FAM178B: variants seen among roughly 807,000 people sequenced by gnomAD.
FAM178B encodes the protein family with sequence similarity 178 member B.
In FAM178B, 82 loss-of-function variants were observed where a neutral mutation model predicts 91.7. The ratio of observed to expected loss-of-function variants is 0.89; its 90% CI spans 0.75 to 1.07. The LOEUF is 1.07. Ranked by LOEUF, FAM178B falls within the 50% of genes least tolerant of loss-of-function variation. FAM178B has a pLI of 0.00. For missense variants in FAM178B, 769 were observed against 846.7 expected (o/e 0.91, Z 1.14); for synonymous variants, 368 against 359.4 (o/e 1.02, Z -0.27).
At chr2:96,970,830 G>A in intron 3 of FAM178B, 53 bp from the exon 4 acceptor site, 4 of 1,281,384 alleles carry the variant, frequency 3.1e-6, no homozygotes, top group Admixed American at 2.2e-5. Flanking sequence ...AAAGATAGAG[G>A]AGAAAAAAGA....
intron 9 of FAM178B, among the ~76,000 whole-genome samples, chr2:96,923,857 G>A (rs74816945): frequency 2.0e-5 from 3 of 152,300 alleles, no homozygotes; most frequent in East Asian, 1.9e-4. Flanking sequence ...CCTGCCTCCC[G>A]GCTCACTCAC....
intron 8 of FAM178B, among the ~76,000 whole-genome samples, chr2:96,940,413 C>A (rs144356444): frequency 3.1e-4 from 47 of 152,308 alleles, no homozygotes; most frequent in African/African-American, 1.1e-3. Context: ...CTGCAAACCA[C>A]AAGAGAGGCA....
intron 5 of FAM178B, among the ~76,000 whole-genome samples, chr2:96,964,393 A>C (rs1272689788): frequency 6.6e-6 from 1 of 152,032 alleles, no homozygotes; most frequent in Non-Finnish European, 1.5e-5. Context: ...GTGCAACTGA[A>C]CTTCGCCCAT....
chr2:96,958,551 G>A (rs1160905282), intron 6 of FAM178B, among the ~76,000 whole-genome samples: 1 of 151,618 alleles, frequency 6.6e-6, no homozygotes, highest in Non-Finnish European at 1.5e-5. Flanking sequence ...TTAACCTAGA[G>A]CGGTGGCACA....
At chr2:96,883,603 C>A (rs1196418204) in intron 14 of FAM178B, among the ~76,000 whole-genome samples, 1 of 152,224 alleles carries the variant, frequency 6.6e-6, no homozygotes, top group African/African-American at 2.4e-5. Flanking sequence ...GGCTCTGGGG[C>A]AGCTACTGTG....
intron 14 of FAM178B, among the ~76,000 whole-genome samples, chr2:96,885,889 G>A (rs576155207): frequency 6.6e-6 from 1 of 152,336 alleles, no homozygotes; most frequent in East Asian, 1.9e-4. Flanking sequence ...GTATACATCA[G>A]TGCATATGTG....
chr2:96,949,167 C>A (rs1228055150), intron 7 of FAM178B, among the ~76,000 whole-genome samples: 1 of 152,224 alleles, frequency 6.6e-6, no homozygotes, highest in African/African-American at 2.4e-5. Flanking sequence ...CATGCACACC[C>A]TATTAAAGCC....
chr2:96,964,426 A>G (rs77287720), intron 5 of FAM178B, among the ~76,000 whole-genome samples: 3,175 of 152,212 alleles, frequency 0.021, 100 homozygotes, highest in African/African-American at 0.066. Context: ...CCAGCACTAA[A>G]TAATACCTCG....
chr2:96,897,028 A>G (rs1432086118), intron 13 of FAM178B, among the ~76,000 whole-genome samples: 3 of 152,110 alleles, frequency 2.0e-5, no homozygotes, highest in Non-Finnish European at 4.4e-5. Context: ...CACCACGTCC[A>G]GCTAATTTTT....
intron 5 of FAM178B, among the ~76,000 whole-genome samples, chr2:96,966,759 A>G (rs1208410868): frequency 1.3e-5 from 2 of 152,164 alleles, no homozygotes; most frequent in Non-Finnish European, 2.9e-5. Flanking sequence ...TGGAGCCTTC[A>G]TGAATAGGAT....
At chr2:96,977,384 CAAAAAAA>C (rs754852439) in intron 1 of FAM178B, among the ~76,000 whole-genome samples, 7 of 24,532 alleles carry the variant, frequency 2.9e-4, no homozygotes, top group African/African-American at 7.4e-4. Context: ...GACTCCGTCT[CAAAAAAA>C]AAAAAAAAAA....
chr2:96,880,932 G>A (rs1253879533), intron 14 of FAM178B, among the ~76,000 whole-genome samples: 1 of 152,096 alleles, frequency 6.6e-6, no homozygotes, highest in African/African-American at 2.4e-5. Flanking sequence ...ACGGTAATTG[G>A]CTGAACCTAA....
chr2:96,943,726 C>T (rs1574283073), intron 8 of FAM178B, among the ~76,000 whole-genome samples: 1 of 151,506 alleles, frequency 6.6e-6, no homozygotes, highest in Non-Finnish European at 1.5e-5. Flanking sequence ...TTCAAGACCT[C>T]GTCTTATTTC....
In FAM178B at chr2:96,921,277, C is replaced by A. The variant is rs1311395551; in HGVS notation, c.1465-15G>T. The A allele has an allele frequency of 2.6e-5, 40 of 1,550,488 alleles. No individual in the cohort carries two copies. The highest frequency in any genetic ancestry group is 3.5e-5 in the Non-Finnish European group (40 of 1,146,192). ...AGTTCCTGGAGCTGCAGGAGAACGGCACCCCATGGGCTACAGGAGGACACC... is the reference window on the plus strand; with the variant it reads ...AGTTCCTGGAGCTGCAGGAGAACGGAACCCCATGGGCTACAGGAGGACACC... On this transcript the variant is annotated splice_polypyrimidine_tract_variant and intron_variant, in intron 11 of 16. Transcript: ENST00000490605.
chr2:96,975,094 CAAAAAA>C (rs34807786), intron 1 of FAM178B, among the ~76,000 whole-genome samples: 2 of 56,272 alleles, frequency 3.6e-5, no homozygotes, highest in Non-Finnish European at 5.5e-5. Flanking sequence ...GACTCTGTCT[CAAAAAA>C]AAAAAAAAAA....
At chr2:96,952,247 C>T (rs2081940176) in intron 6 of FAM178B, among the ~76,000 whole-genome samples, 1 of 152,154 alleles carries the variant, frequency 6.6e-6, no homozygotes, top group Non-Finnish European at 1.5e-5. Context: ...TTATGTTTTT[C>T]AGATACAAAG....
At chr2:96,901,138 G>C (rs544357161) in intron 13 of FAM178B, among the ~76,000 whole-genome samples, 15 of 151,828 alleles carry the variant, frequency 9.9e-5, no homozygotes, top group African/African-American at 3.4e-4. Context: ...GCTTTTTGGA[G>C]AGAAGAGGAA....
intron 14 of FAM178B, among the ~76,000 whole-genome samples, chr2:96,891,954 G>A (rs908659445): frequency 9.2e-5 from 14 of 152,214 alleles, no homozygotes; most frequent in Admixed American, 6.5e-5. Context: ...GTTTCCCCAT[G>A]GCACTGAAGG....
intron 12 of FAM178B, among the ~76,000 whole-genome samples, chr2:96,917,058 C>T (rs916194167): frequency 8.5e-5 from 13 of 152,170 alleles, no homozygotes; most frequent in African/African-American, 2.9e-4. Flanking sequence ...TCAGGGATGA[C>T]GGCCAGAACA....
Sources: allele counts gnomAD v4.1 joint callset (sites outside exome capture counted in the v4.1 genomes callset), GRCh38; gene constraint gnomAD v4.1.1; transcripts MANE v1.5; gene names NCBI Gene and HGNC (gene_info 2026-07-23, HGNC 2026-07-21).